KCNQ4: variants seen among roughly 807,000 people sequenced by gnomAD.
KCNQ4 encodes the protein potassium voltage-gated channel subfamily KQT member 4.
KCNQ4 carries 31 observed loss-of-function variants against 72.6 expected under a neutral mutation model. The observed-to-expected ratio is 0.43, with a 90% confidence interval of 0.32 to 0.58. The LOEUF (loss-of-function observed/expected upper bound fraction) is 0.58. KCNQ4 is among the 20% of genes least tolerant of loss of function. The pLI is 0.08. For synonymous variants in KCNQ4, 405 were observed against 403.7 expected, an observed-to-expected ratio of 1.00 and a Z score of -0.04; for missense variants, 869 against 962.6, an observed-to-expected ratio of 0.90 and a Z score of 1.29.
chr1:40,800,882 T>A (rs1647552637), intron 1 of KCNQ4, among the ~76,000 whole-genome samples: 1 of 152,140 alleles, frequency 6.6e-6, no homozygotes, highest in Non-Finnish European at 1.5e-5. Context: ...TCAAAGCCGA[T>A]CATGGATGGA....
At chr1:40,793,004 C>CTTTTTTTTTTTTTTTTTTTTTTTTT (rs10549805) in intron 1 of KCNQ4, among the ~76,000 whole-genome samples, 1 of 109,076 alleles carries the variant, frequency 9.2e-6, no homozygotes. Flanking sequence ...TTCTTTCTTT[C>CTTTTTTTTTTTTTTTTTTTTTTTTT]TTTTTTTTTT....
intron 1 of KCNQ4, among the ~76,000 whole-genome samples, chr1:40,803,193 G>A (rs1383020667): frequency 6.6e-6 from 1 of 152,156 alleles, no homozygotes. Flanking sequence ...AAGTCCCTGA[G>A]GACTGGCAGC....
intron 4 of KCNQ4, 73 bp from the exon 5 acceptor site, chr1:40,819,274 C>T (rs1570830991): frequency 1.3e-6 from 2 of 1,578,592 alleles, no homozygotes; most frequent in East Asian, 2.2e-5. Context: ...TTATCCCTTT[C>T]CCGTGTGGAA....
intron 9 of KCNQ4, among the ~76,000 whole-genome samples, chr1:40,828,211 G>C (rs1014312006): frequency 2.0e-5 from 3 of 152,174 alleles, no homozygotes; most frequent in Admixed American, 6.5e-5. Flanking sequence ...CAAGGGGTTG[G>C]GACCAGCAGG....
intron 8 of KCNQ4, among the ~76,000 whole-genome samples, chr1:40,822,701 A>G (rs1648341835): frequency 2.0e-5 from 3 of 152,188 alleles, no homozygotes; most frequent in African/African-American, 7.2e-5. Context: ...GATGCCATCT[A>G]GGGCAGTGAT....
Position 40,835,077 on chromosome 1 carries a change from G to A in KCNQ4, c.1724G>A (p.Arg575Gln), listed in dbSNP as rs1181851856. Residue 575 changes from arginine to glutamine, a missense_variant, in exon 12 of 14, where the codon CGG becomes CAG. This residue lies in a region of KCNQ4 where 480 missense variants were observed against 501.9 expected (regional missense o/e 0.96). Transcript: ENST00000347132. ...YSAGHLDMLG[R>Q]IKSLQTRVDQ... is the part of the protein sequence containing the mutation. ...GCAGGCCACCTGGACATGCTGGGCC[G>A]GATCAAGAGCCTGCAAACTCGGTGG... is the stretch of plus-strand genomic sequence containing the variant. 9 of 1,613,714 alleles carry A rather than the reference G, an allele frequency of 5.6e-6. No individual in the cohort carries two copies. The highest frequency in any genetic ancestry group is 2.2e-5 in the East Asian group (1 of 44,864).
intron 2 of KCNQ4, 145 bp from the exon 3 acceptor site, chr1:40,818,019 A>C: frequency 2.9e-6 from 3 of 1,025,294 alleles, no homozygotes; most frequent in Non-Finnish European, 4.4e-6. Context: ...TGCCCTCCGG[A>C]ATCGTCAAGT....
At chr1:40,797,263 G>C (rs1220137081) in intron 1 of KCNQ4, among the ~76,000 whole-genome samples, 1 of 152,248 alleles carries the variant, frequency 6.6e-6, no homozygotes, top group Non-Finnish European at 1.5e-5. Flanking sequence ...GGCATGGCTG[G>C]GAAGGCTTCC....
In KCNQ4 at chr1:40,784,891, G is replaced by A. The variant is rs1274787173; in HGVS notation, c.314+484G>A. ...CCTCAGGGGTGCTCCTCTCCAGGGC[G>A]GCCCTCATTCCTACCCCTGCCCAGC... On this transcript the variant is annotated intron_variant, in intron 1 of 13. Coordinates refer to ENST00000347132, the MANE Select transcript of KCNQ4 (RefSeq NM_004700.4). This position sits in a 1 kb window ranked among gnomAD's most constrained non-coding sequence, Gnocchi z 4.1. Among the ~76,000 whole-genome samples the A allele has an allele frequency of 1.3e-5, 2 of 152,310 alleles. No homozygotes were observed. The highest frequency in any genetic ancestry group is 3.4e-3 in the Middle Eastern group (1 of 294).
chr1:40,821,678 C>A (rs750966407), intron 7 of KCNQ4, among the ~76,000 whole-genome samples: 1 of 152,200 alleles, frequency 6.6e-6, no homozygotes, highest in Non-Finnish European at 1.5e-5. Context: ...TGACATTCTG[C>A]AAACATTTGC....
intron 4 of KCNQ4, chr1:40,819,008 G>GACCT: frequency 1.8e-6 from 1 of 567,828 alleles, no homozygotes; most frequent in Non-Finnish European, 3.3e-6. Context: ...TTGAGGGTGG[G>GACCT]GCTGGAGCGG....
Position 40,815,133 on chromosome 1 carries a change from G to A in KCNQ4, c.315-2132G>A, listed in dbSNP as rs577671751. 5.3e-5 allele frequency among the ~76,000 whole-genome samples: 8 copies of A among 151,916 alleles called. No homozygotes were observed. In the South Asian group the frequency reaches 1.2e-3, roughly 24 times the overall value. On this transcript the variant is annotated intron_variant, in intron 1 of 13. Transcript: ENST00000347132. ...CATGTGCCTGTAGCCCCAGCTACTC[G>A]GGAGGCTGAGGCAGCAGAATCGCTT...
Position 40,784,480 on chromosome 1 carries a change from C to T in KCNQ4, c.314+73C>T. The T allele has an allele frequency of 7.0e-7, 1 of 1,427,384 alleles. No individual in the cohort carries two copies. Among genetic ancestry groups the T allele is most frequent in the Non-Finnish European group, 9.7e-7 (1 of 1,026,620 alleles). The allele number at this position is 1,427,384 out of a possible 1,614,324, so 88.4% of individuals were successfully genotyped here. A position where few individuals can be genotyped will look rare whatever the true frequency, so the allele number is the denominator to read the frequency against. On this transcript the variant is annotated intron_variant, in intron 1 of 13. Coordinates refer to ENST00000347132, the MANE Select transcript of KCNQ4 (RefSeq NM_004700.4). This position sits in a 1 kb window ranked among gnomAD's most constrained non-coding sequence, Gnocchi z 4.1. ...GCCTCCCGGGGCACGGCCGCCCCGC[C>T]CTGGCTCCGCCTTCTACCCCCCTGC...
chr1:40,818,374 T>A, intron 3 of KCNQ4, 84 bp downstream of exon 3: 1 of 1,595,600 alleles, frequency 6.3e-7, no homozygotes, highest in Admixed American at 1.7e-5. Flanking sequence ...ACTCTGACCC[T>A]GGAGACCCGC....
chr1:40,805,342 A>G (rs1647725791), intron 1 of KCNQ4, among the ~76,000 whole-genome samples: 1 of 152,094 alleles, frequency 6.6e-6, no homozygotes, highest in African/African-American at 2.4e-5. Context: ...CAAACTCCCC[A>G]TCTCACTCAG....
chr1:40,822,801 CAT>C (rs1012988642), intron 8 of KCNQ4, among the ~76,000 whole-genome samples: 12 of 152,176 alleles, frequency 7.9e-5, no homozygotes, highest in African/African-American at 2.2e-4. Context: ...TGGGCAGAAA[CAT>C]GTGTTCCAGA....
rs1345234931 is a variant in KCNQ4 at position 40,837,727 on chromosome 1, G to T, written c.1808G>T (p.Gly603Val). ...DRKAREKGDK[G>V]PSDAEVVDEI... is the part of the protein sequence containing the mutation. Reference sequence around the variant, plus strand: ...AAGGCCCGGGAGAAGGGCGACAAGGGGCCCTCCGACGCGGAGGTGGTGGAT... The same window carrying T: ...AAGGCCCGGGAGAAGGGCGACAAGGTGCCCTCCGACGCGGAGGTGGTGGAT... The change falls in exon 13 of 14, where the codon GGG (glycine) becomes GTG (valine). Residue 603 changes from glycine to valine, a missense_variant. Around this residue, in one of 5 missense-constraint regions of KCNQ4, gnomAD observed 480 missense variants for 501.9 expected, o/e 0.96. Transcript: ENST00000347132. 3 of 1,613,208 alleles carry T rather than the reference G, an allele frequency of 1.9e-6. No homozygotes were observed. The highest frequency in any genetic ancestry group is 2.5e-6 in the Non-Finnish European group (3 of 1,179,702).
chr1:40,806,285 T>A (rs529903377), intron 1 of KCNQ4, among the ~76,000 whole-genome samples: 38 of 152,198 alleles, frequency 2.5e-4, no homozygotes, highest in Admixed American at 5.2e-4. Context: ...TTCCACCCCA[T>A]GTTTCCCCTT....
chr1:40,796,854 G>A (rs2148299916), intron 1 of KCNQ4, among the ~76,000 whole-genome samples: 1 of 152,190 alleles, frequency 6.6e-6, no homozygotes, highest in Admixed American at 6.5e-5. Context: ...GGAGGTAGAG[G>A]TTGCAGTGAG....
Sources: allele counts gnomAD v4.1 joint callset (sites outside exome capture counted in the v4.1 genomes callset), GRCh38; gene constraint gnomAD v4.1.1; regional missense constraint gnomAD v4.1.1; non-coding constraint Gnocchi (gnomAD v3.1); transcripts MANE v1.5; gene names NCBI Gene and HGNC (gene_info 2026-07-23, HGNC 2026-07-21).